RBMS3: variants seen among roughly 807,000 people sequenced by gnomAD.
The protein encoded by RBMS3 is RNA binding motif single stranded interacting protein 3.
In RBMS3, 27 loss-of-function variants were observed where a neutral mutation model predicts 66.8. The ratio of observed to expected loss-of-function variants is 0.40; its 90% CI spans 0.30 to 0.56. The LOEUF is 0.56. RBMS3 is among the 20% of genes least tolerant of loss of function. The pLI is 0.40. For synonymous variants in RBMS3, 188 were observed against 183.0 expected (o/e 1.03, Z -0.22); for missense variants, 513 against 549.5 (o/e 0.93, Z 0.66).
At chr3:29,787,050 A>T (rs2056844793) in intron 6 of RBMS3, among the ~76,000 whole-genome samples, 1 of 152,204 alleles carries the variant, frequency 6.6e-6, no homozygotes, top group African/African-American at 2.4e-5. Flanking sequence ...AAAAGAAGAT[A>T]TACAAATGGC....
chr3:29,522,708 T>C (rs1006591389), intron 3 of RBMS3, among the ~76,000 whole-genome samples: 1 of 152,130 alleles, frequency 6.6e-6, no homozygotes, highest in Non-Finnish European at 1.5e-5. Flanking sequence ...CTTCTCCTTT[T>C]CTTCAGTCTT....
chr3:29,712,426 C>T (rs375044741), intron 4 of RBMS3, among the ~76,000 whole-genome samples: 6 of 152,234 alleles, frequency 3.9e-5, no homozygotes, highest in African/African-American at 4.8e-5. Flanking sequence ...GATCCTCCTA[C>T]GTCAGCCTCC....
intron 1 of RBMS3, among the ~76,000 whole-genome samples, chr3:29,407,222 T>C (rs1199957714): frequency 6.6e-6 from 1 of 152,176 alleles, no homozygotes; most frequent in Non-Finnish European, 1.5e-5. Context: ...TAACATCTGC[T>C]CAGTTCACTG....
intron 4 of RBMS3, among the ~76,000 whole-genome samples, chr3:29,701,410 G>T (rs946860326): frequency 6.6e-6 from 1 of 152,222 alleles, no homozygotes; most frequent in East Asian, 1.9e-4. Flanking sequence ...ATGGTGAGAG[G>T]TAACAGCCTG....
intron 10 of RBMS3, among the ~76,000 whole-genome samples, chr3:29,932,583 G>C (rs1008345891): frequency 6.6e-6 from 1 of 152,192 alleles, no homozygotes; most frequent in African/African-American, 2.4e-5. Flanking sequence ...AATGCAGCTA[G>C]TTCTTCTTAT....
intron 1 of RBMS3, among the ~76,000 whole-genome samples, chr3:29,372,439 A>C (rs147286948): frequency 1.5e-3 from 221 of 152,352 alleles, no homozygotes; most frequent in African/African-American, 4.2e-3. Flanking sequence ...AAGTGTCATT[A>C]GTTTCCCCTT....
chr3:29,795,320 CAG>C (rs1300395113), intron 6 of RBMS3, among the ~76,000 whole-genome samples: 1 of 152,192 alleles, frequency 6.6e-6, no homozygotes, highest in Non-Finnish European at 1.5e-5. Context: ...GGAAGTGTAT[CAG>C]AGATATACTC....
At chr3:29,910,167 G>T (rs1377051152) in intron 10 of RBMS3, among the ~76,000 whole-genome samples, 1 of 152,014 alleles carries the variant, frequency 6.6e-6, no homozygotes, top group Non-Finnish European at 1.5e-5. Flanking sequence ...CCTAAAGAAA[G>T]AAAATATGCA....
intron 6 of RBMS3, among the ~76,000 whole-genome samples, chr3:29,814,434 A>C (rs1044289080): frequency 5.9e-5 from 9 of 152,134 alleles, no homozygotes; most frequent in South Asian, 2.1e-4. Context: ...ATATTGGTCT[A>C]AAATTCTCTT....
At chr3:29,352,079 T>G (rs578149387) in intron 1 of RBMS3, among the ~76,000 whole-genome samples, 1 of 152,152 alleles carries the variant, frequency 6.6e-6, no homozygotes, top group South Asian at 2.1e-4. Context: ...TCTTCTATTT[T>G]TTACATTTGC....
Position 29,991,110 on chromosome 3 carries a change from C to G in RBMS3, c.1208C>G (p.Thr403Arg), listed in dbSNP as rs143165101. Residue 403 changes from threonine (T) to arginine (R), a missense_variant, in exon 14 of 15, where the codon ACA becomes AGA. Coordinates refer to ENST00000383767, the MANE Select transcript of RBMS3 (RefSeq NM_001003793.3). Reference protein sequence around the residue: ...EGVVADTSPQTVAPSSQDTSG... With the variant: ...EGVVADTSPQRVAPSSQDTSG... ...GTTGTTGCTGATACCTCTCCCCAGA[C>G]AGTGGCACCTTCATCCCAGGACACC... 1.2e-6 allele frequency: 2 copies of G among 1,614,136 alleles called. No homozygotes were observed. Among genetic ancestry groups the G allele is most frequent in the Non-Finnish European group, 1.7e-6 (2 of 1,180,036 alleles).
rs545982489 is a variant in RBMS3 at position 29,744,499 on chromosome 3, G to T, written c.557+4622G>T. On this transcript the variant is annotated intron_variant, in intron 5 of 14. Coordinates refer to ENST00000383767, the MANE Select transcript of RBMS3 (RefSeq NM_001003793.3). ...TCCACAGGCATTATTAAAAGAATAT[G>T]CCGGCTGGGCGCGGTGGCTCACACC... Among the ~76,000 whole-genome samples, 9 of 152,206 alleles carry T rather than the reference G, an allele frequency of 5.9e-5. No individual in the cohort carries two copies. In the South Asian group the frequency reaches 8.3e-4, roughly 14 times the overall value.
intron 6 of RBMS3, among the ~76,000 whole-genome samples, chr3:29,841,236 A>T (rs2058656674): frequency 6.6e-6 from 1 of 151,842 alleles, no homozygotes; most frequent in South Asian, 2.1e-4. Flanking sequence ...TAACCAAATT[A>T]GCCCTCGATT....
chr3:29,605,356 A>G (rs926307717), intron 4 of RBMS3, among the ~76,000 whole-genome samples: 1 of 151,964 alleles, frequency 6.6e-6, no homozygotes, highest in Non-Finnish European at 1.5e-5. Flanking sequence ...GAAATGTTGT[A>G]CATTTCAATA....
At chr3:29,341,989 G>A (rs2036307444) in intron 1 of RBMS3, among the ~76,000 whole-genome samples, 1 of 152,084 alleles carries the variant, frequency 6.6e-6, no homozygotes, top group Non-Finnish European at 1.5e-5. Flanking sequence ...CCTCTTGCTT[G>A]ATCTTCATAA....
chr3:29,635,257 G>T (rs1231012435), intron 4 of RBMS3, among the ~76,000 whole-genome samples: 1 of 151,706 alleles, frequency 6.6e-6, no homozygotes, highest in Non-Finnish European at 1.5e-5. Flanking sequence ...TTAGATGTCT[G>T]TTAGACATTT....
intron 4 of RBMS3, among the ~76,000 whole-genome samples, chr3:29,594,042 A>G (rs1296689995): frequency 6.6e-6 from 1 of 152,214 alleles, no homozygotes; most frequent in Non-Finnish European, 1.5e-5. Flanking sequence ...TCTAAAAGAA[A>G]TGAGAGGAGA....
At chr3:29,412,376 G>A (rs75859393) in intron 1 of RBMS3, among the ~76,000 whole-genome samples, 6,478 of 152,170 alleles carry the variant, frequency 0.043, 249 homozygotes, top group East Asian at 0.12. Context: ...GGAGAAGGGT[G>A]GAGAAAATAC....
chr3:29,325,597 C>T (rs1003136909), intron 1 of RBMS3, among the ~76,000 whole-genome samples: 33 of 134,666 alleles, frequency 2.5e-4, no homozygotes, highest in Non-Finnish European at 3.7e-4. Context: ...TATATATATA[C>T]GTGTGTGTAT....
Sources: gnomAD v4.1 joint callset for allele counts (sites outside exome capture counted in the v4.1 genomes callset) on GRCh38, gnomAD v4.1.1 for gene constraint, MANE v1.5 for transcripts, NCBI Gene and HGNC (gene_info 2026-07-23, HGNC 2026-07-21) for gene names.